TRPM7: variants seen among roughly 807,000 people sequenced by gnomAD.
TRPM7 encodes transient receptor potential cation channel subfamily M member 7.
In TRPM7, 134 loss-of-function variants were observed where a neutral mutation model predicts 229.7. The observed-to-expected ratio is 0.58, with a 90% CI of 0.51 to 0.67. The LOEUF is 0.67. TRPM7 is among the 30% of genes least tolerant of loss of function. The pLI, the probability that TRPM7 is intolerant of heterozygous loss-of-function variation, is 0.00. For missense variants in TRPM7, 1,901 were observed against 2,210.0 expected, an observed-to-expected ratio of 0.86 and a Z score of 2.80; for synonymous variants, 699 against 715.2, an observed-to-expected ratio of 0.98 and a Z score of 0.36.
In TRPM7 at chr15:50,663,988, GA is replaced by G. The variant is rs562309709; in HGVS notation, c.4-943del. Reference sequence around the variant, plus strand: ...TCAAAAAACAAAGCAAAAAAAACCTGAAAAAAAGACAATTAGAATTGACAGA... The same window carrying G: ...TCAAAAAACAAAGCAAAAAAAACCTGAAAAAAGACAATTAGAATTGACAGA... On this transcript the variant is annotated intron_variant, in intron 1 of 38. Coordinates refer to ENST00000646667, the MANE Select transcript of TRPM7 (RefSeq NM_017672.6). Among the ~76,000 whole-genome samples, 5 of 151,834 alleles carry G rather than the reference GA, an allele frequency of 3.3e-5. No homozygotes were observed. The South Asian group carries it at 8.3e-4, about 25-fold the overall frequency.
chr15:50,676,637 G>A (rs1017901036), intron 1 of TRPM7, among the ~76,000 whole-genome samples: 5 of 151,830 alleles, frequency 3.3e-5, no homozygotes, highest in African/African-American at 9.7e-5. Context: ...GAAACCAGAC[G>A]GAGTCTATAC....
chr15:50,588,551 TA>T (rs2059401848), intron 27 of TRPM7, among the ~76,000 whole-genome samples: 1 of 152,192 alleles, frequency 6.6e-6, no homozygotes, highest in South Asian at 2.1e-4. Context: ...CTGGATCACA[TA>T]AAAAGTAATC....
chr15:50,578,579 C>T, intron 31 of TRPM7, 60 bp downstream of exon 31: 2 of 1,513,516 alleles, frequency 1.3e-6, no homozygotes, highest in Non-Finnish European at 9.1e-7. Context: ...GTGGTGTTTG[C>T]TGTAACAGAT....
At chr15:50,614,331 G>C in intron 13 of TRPM7, 68 bp from the exon 14 acceptor site, 1 of 1,373,000 alleles carries the variant, frequency 7.3e-7, no homozygotes, top group African/African-American at 1.4e-5. Context: ...CCCTGCCTAG[G>C]AACAGGCCTA....
chr15:50,608,620 T>C (rs185310072), intron 19 of TRPM7, among the ~76,000 whole-genome samples: 3 of 152,276 alleles, frequency 2.0e-5, no homozygotes, highest in Non-Finnish European at 4.4e-5. Flanking sequence ...AGCCTCTGAA[T>C]AGGAAGGAAC....
chr15:50,666,546 G>A (rs1409404084), intron 1 of TRPM7, among the ~76,000 whole-genome samples: 2 of 152,064 alleles, frequency 1.3e-5, no homozygotes, highest in Admixed American at 6.6e-5. Context: ...GCTTATACCT[G>A]TAATCCCAGC....
intron 1 of TRPM7, among the ~76,000 whole-genome samples, chr15:50,684,893 C>A (rs999908892): frequency 5.9e-5 from 9 of 152,188 alleles, no homozygotes; most frequent in African/African-American, 2.2e-4. Context: ...CTGACTAAAA[C>A]ATGAGACAAT....
At chr15:50,588,535 A>G (rs1445985844) in intron 27 of TRPM7, among the ~76,000 whole-genome samples, 1 of 152,214 alleles carries the variant, frequency 6.6e-6, no homozygotes, top group Non-Finnish European at 1.5e-5. Context: ...CAATTACATA[A>G]TTCACCTGGA....
chr15:50,609,611 A>C lies in TRPM7; in HGVS notation c.2550T>G (p.His850Gln), dbSNP rs761721070. 4.3e-6 allele frequency: 7 copies of C among 1,609,352 alleles called. No individual in the cohort carries two copies. Among genetic ancestry groups the C allele is most frequent in the Non-Finnish European group, 5.1e-6 (6 of 1,178,580 alleles). The change falls in exon 19 of 39, where the codon CAT becomes CAG. Residue 850 changes from histidine to glutamine, a missense_variant. Coordinates refer to ENST00000646667, the MANE Select transcript of TRPM7 (RefSeq NM_017672.6). ...TAAACCAGAATTTTACAATTGGTGC[A>C]TGATAAAAGGCATAAAACTTTCGCG... ...PITRKFYAFY[H>Q]APIVKFWFNT... is the part of the protein sequence containing the mutation.
At chr15:50,615,250 A>G (rs1176673784) in intron 13 of TRPM7, among the ~76,000 whole-genome samples, 2 of 151,466 alleles carry the variant, frequency 1.3e-5, no homozygotes, top group Non-Finnish European at 2.9e-5. Flanking sequence ...CATACAAAAA[A>G]TTGCATTTTT....
At chr15:50,627,201 A>G (rs1380724457) in intron 11 of TRPM7, among the ~76,000 whole-genome samples, 1 of 152,242 alleles carries the variant, frequency 6.6e-6, no homozygotes, top group African/African-American at 2.4e-5. Flanking sequence ...TTGCCCTCAG[A>G]AAGTTTACTT....
At chr15:50,620,581 A>G (rs1280718893) in intron 12 of TRPM7, among the ~76,000 whole-genome samples, 1 of 152,158 alleles carries the variant, frequency 6.6e-6, no homozygotes, top group Non-Finnish European at 1.5e-5. Flanking sequence ...GATGACTACA[A>G]TTGATATTGC....
intron 15 of TRPM7, 152 bp from the exon 16 acceptor site, chr15:50,612,981 C>T (rs1312192916): frequency 7.0e-6 from 5 of 715,712 alleles, no homozygotes; most frequent in Non-Finnish European, 8.4e-6. Flanking sequence ...TATTATAGCT[C>T]ATAATTCATT....
rs905575000 is a variant in TRPM7 at position 50,596,490 on chromosome 15, G to A, written c.3164-109C>T. On this transcript the variant is annotated intron_variant, in intron 22 of 38. Coordinates refer to ENST00000646667, the MANE Select transcript of TRPM7 (RefSeq NM_017672.6). ...TATTTATTTACTTAAAGTAAGTTTC[G>A]ATTATGTACAAATCTGTTTCACAGA... 1.4e-5 allele frequency: 13 copies of A among 906,176 alleles called. No individual in the cohort carries two copies. In the South Asian group the frequency reaches 1.6e-4, roughly 11 times the overall value. The allele number at this position is 906,176 out of a possible 1,614,324, so 56.1% of individuals were successfully genotyped here. A position where few individuals can be genotyped will look rare whatever the true frequency, so the allele number is the denominator to read the frequency against.
intron 1 of TRPM7, among the ~76,000 whole-genome samples, chr15:50,680,353 C>T (rs915250199): frequency 6.6e-6 from 1 of 152,036 alleles, no homozygotes; most frequent in Non-Finnish European, 1.5e-5. Flanking sequence ...CCAGCCTGAG[C>T]AACATGCCAA....
At chr15:50,628,939 A>G (rs2060645711) in intron 10 of TRPM7, among the ~76,000 whole-genome samples, 1 of 152,224 alleles carries the variant, frequency 6.6e-6, no homozygotes, top group African/African-American at 2.4e-5. Flanking sequence ...AGTGTTCAGT[A>G]GCTTGCTTTA....
At chr15:50,596,113 C>T (rs2059623617) in intron 23 of TRPM7, 142 bp downstream of exon 23, 1 of 429,986 alleles carries the variant, frequency 2.3e-6, no homozygotes, top group South Asian at 1.0e-4. Context: ...AAAGCATCTC[C>T]TATTTGTAAT....
intron 5 of TRPM7, 31 bp downstream of exon 5, chr15:50,643,309 C>T (rs750657275): frequency 6.4e-7 from 1 of 1,572,072 alleles, no homozygotes. Flanking sequence ...TTAAAACACA[C>T]TAAATAAAAT....
chr15:50,572,461 G>A (rs1235477731), intron 36 of TRPM7, among the ~76,000 whole-genome samples: 2 of 152,138 alleles, frequency 1.3e-5, no homozygotes, highest in Admixed American at 6.5e-5. Context: ...TTAAATTAAG[G>A]TATGTACACT....
Sources: gnomAD v4.1 joint callset for allele counts (sites outside exome capture counted in the v4.1 genomes callset) on GRCh38, gnomAD v4.1.1 for gene constraint, MANE v1.5 for transcripts, NCBI Gene and HGNC (gene_info 2026-07-23, HGNC 2026-07-21) for gene names.